MET: variants seen among roughly 807,000 people sequenced by gnomAD.
The protein encoded by MET is hepatocyte growth factor receptor.
MET carries 48 observed loss-of-function variants against 133.1 expected under a neutral mutation model. The observed-to-expected ratio is 0.36, with a 90% CI of 0.29 to 0.46. The LOEUF (loss-of-function observed/expected upper bound fraction) is 0.46. Ranked by LOEUF, MET falls within the 20% of genes least tolerant of loss-of-function variation. The pLI, the probability that MET is intolerant of heterozygous loss-of-function variation, is 1.00. For synonymous variants in MET, 628 were observed against 616.5 expected (o/e 1.02, Z -0.28); for missense variants, 1,442 against 1,695.9 (o/e 0.85, Z 2.63).
chr7:116,706,546 T>C (rs917476864), intron 2 of MET, among the ~76,000 whole-genome samples: 5 of 152,160 alleles, frequency 3.3e-5, no homozygotes, highest in Non-Finnish European at 7.4e-5. Flanking sequence ...ATATTTTTAC[T>C]CCGAATACTG....
chr7:116,714,020 G>A (rs545365035), intron 2 of MET, among the ~76,000 whole-genome samples: 2 of 152,310 alleles, frequency 1.3e-5, no homozygotes, highest in East Asian at 3.9e-4. Context: ...TGTTAACTAA[G>A]TAGAGGAAAG....
At chr7:116,732,780 C>A (rs770486997) in intron 3 of MET, among the ~76,000 whole-genome samples, 8 of 152,112 alleles carry the variant, frequency 5.3e-5, no homozygotes, top group South Asian at 2.1e-4. Context: ...TATGTGTATT[C>A]TTCTACAAAA....
At chr7:116,751,664 A>G (rs926587655) in intron 5 of MET, among the ~76,000 whole-genome samples, 8 of 152,196 alleles carry the variant, frequency 5.3e-5, no homozygotes, top group African/African-American at 1.2e-4. Flanking sequence ...CAAACATGGT[A>G]TCTGATCTCA....
At chr7:116,708,840 C>G (rs569370314) in intron 2 of MET, among the ~76,000 whole-genome samples, 1 of 152,200 alleles carries the variant, frequency 6.6e-6, no homozygotes, top group South Asian at 2.1e-4. Context: ...AGGGGATTGT[C>G]CTTTTACCAA....
chr7:116,769,543 A>G (rs1205095378), intron 11 of MET, 102 bp from the exon 12 acceptor site: 3 of 1,437,768 alleles, frequency 2.1e-6, no homozygotes, highest in Non-Finnish European at 1.9e-6. Flanking sequence ...TTGGCAAACA[A>G]CATGGCCTGT....
chr7:116,745,005 G>A (rs560864151), intron 5 of MET, among the ~76,000 whole-genome samples: 2 of 152,320 alleles, frequency 1.3e-5, no homozygotes, highest in African/African-American at 4.8e-5. Context: ...GTTTGCAGAT[G>A]ACATGATTGT....
In MET at chr7:116,725,485, T is replaced by C. The variant is rs571813771; in HGVS notation, c.1201-6183T>C. Among the ~76,000 whole-genome samples the C allele has an allele frequency of 2.3e-3, 339 of 149,464 alleles. 2 individuals are homozygous for C. The highest frequency in any genetic ancestry group is 7.4e-3 in the African/African-American group (306 of 41,082). ...ATATACATATATATATATATATATA[T>C]ACACACACACAAAAGAATTATGTAC... On this transcript the variant is annotated intron_variant, in intron 2 of 20. Transcript: ENST00000397752.
At chr7:116,764,086 A>G (rs1794516347) in intron 11 of MET, among the ~76,000 whole-genome samples, 1 of 152,156 alleles carries the variant, frequency 6.6e-6, no homozygotes. Flanking sequence ...AAGCAATAGG[A>G]TAGTCTTTAT....
intron 1 of MET, among the ~76,000 whole-genome samples, chr7:116,686,727 T>C (rs1361419745): frequency 7.9e-5 from 12 of 152,198 alleles, no homozygotes; most frequent in Non-Finnish European, 1.5e-4. Context: ...AGACTTTCTT[T>C]AATGTGGCCA....
rs908027202 is a variant in MET, at chr7:116,757,590, A to G, written c.1966-48A>G. 5 of 1,613,306 alleles carry G rather than the reference A, an allele frequency of 3.1e-6. No individual in the cohort carries two copies. Among genetic ancestry groups the G allele is most frequent in the Non-Finnish European group, 4.2e-6 (5 of 1,179,334 alleles). On this transcript the variant is annotated intron_variant, in intron 7 of 20. Coordinates refer to ENST00000397752, the MANE Select transcript of MET (RefSeq NM_000245.4). ...TTTGATTTTTACTTAATCTATTTAA[A>G]TTATAAGATGAACAAGTTACTTTGT...
intron 1 of MET, among the ~76,000 whole-genome samples, chr7:116,684,810 A>AT (rs993178168): frequency 2.6e-5 from 4 of 152,136 alleles, no homozygotes; most frequent in East Asian, 1.9e-4. Flanking sequence ...AGGGGTTGAC[A>AT]TTTTTTTTCA....
intron 5 of MET, among the ~76,000 whole-genome samples, chr7:116,754,873 AAGAG>A (rs768705021): frequency 1.9e-3 from 262 of 137,650 alleles, no homozygotes; most frequent in East Asian, 4.2e-3. Flanking sequence ...AAAAGAAAGA[AAGAG>A]AGAGAGAGAG....
chr7:116,758,303 C>G (rs1055562088), intron 8 of MET, among the ~76,000 whole-genome samples, 156 bp from the exon 9 acceptor site: 30 of 152,164 alleles, frequency 2.0e-4, no homozygotes, highest in Middle Eastern at 6.8e-3. Flanking sequence ...AGTTTGAGAT[C>G]CAGTCAGATT....
intron 3 of MET, among the ~76,000 whole-genome samples, chr7:116,739,601 T>C (rs1200716934): frequency 6.6e-6 from 1 of 152,220 alleles, no homozygotes; most frequent in Non-Finnish European, 1.5e-5. Flanking sequence ...TCCAGATTCA[T>C]TGTAGCATGT....
chr7:116,722,704 T>C (rs1277144210), intron 2 of MET, among the ~76,000 whole-genome samples: 89 of 149,164 alleles, frequency 6.0e-4, no homozygotes, highest in African/African-American at 2.1e-3. Flanking sequence ...CAGCATTTGC[T>C]TGTCTGTAAA....
intron 17 of MET, among the ~76,000 whole-genome samples, chr7:116,781,239 CCT>C (rs375772148): frequency 6.6e-6 from 1 of 151,406 alleles, no homozygotes; most frequent in African/African-American, 2.4e-5. Flanking sequence ...ATGTTTTTCC[CCT>C]CTCTCTCTCT....
chr7:116,773,707 C>T (rs1377214126), intron 14 of MET, among the ~76,000 whole-genome samples: 2 of 152,148 alleles, frequency 1.3e-5, no homozygotes, highest in Non-Finnish European at 1.5e-5. Flanking sequence ...TTAAAGGTTG[C>T]TCTTGTCTTT....
chr7:116,753,046 A>C (rs771175019), intron 5 of MET, among the ~76,000 whole-genome samples: 1 of 152,218 alleles, frequency 6.6e-6, no homozygotes, highest in African/African-American at 2.4e-5. Flanking sequence ...GTAAATTTTC[A>C]GGAAAGGCAC....
At chr7:116,794,152 C>T (rs903579560) in intron 19 of MET, among the ~76,000 whole-genome samples, 2 of 152,120 alleles carry the variant, frequency 1.3e-5, no homozygotes, top group Admixed American at 1.3e-4. Context: ...ATCTTATTGT[C>T]CTGTGTGGCA....
Sources: allele counts gnomAD v4.1 joint callset (sites outside exome capture counted in the v4.1 genomes callset), GRCh38; gene constraint gnomAD v4.1.1; transcripts MANE v1.5; gene names NCBI Gene and HGNC (gene_info 2026-07-23, HGNC 2026-07-21).